Variants in CDC42BPA observed in about 807,000 individuals in gnomAD.
CDC42BPA encodes the protein CDC42 binding protein kinase alpha.
Under a neutral mutation model 223.5 loss-of-function variants are expected in CDC42BPA, and 80 were observed. The ratio of observed to expected loss-of-function variants is 0.36; its 90% CI spans 0.30 to 0.43. CDC42BPA has a LOEUF of 0.43. Ranked by LOEUF, CDC42BPA falls within the 20% of genes least tolerant of loss-of-function variation. The pLI is 1.00. For synonymous variants in CDC42BPA, 694 were observed against 718.6 expected, an observed-to-expected ratio of 0.97 and a Z score of 0.55; for missense variants, 1,743 against 2,099.9, an observed-to-expected ratio of 0.83 and a Z score of 3.32.
intron 10 of CDC42BPA, among the ~76,000 whole-genome samples, chr1:227,133,192 T>C (rs7556248): frequency 0.87 from 120,772 of 138,972 alleles, 52,389 homozygotes; most frequent in South Asian, 0.92. Context: ...CCTGGCCGGC[T>C]GCCCCGTCTG....
At chr1:227,243,756 TCA>T (rs5781477) in intron 2 of CDC42BPA, among the ~76,000 whole-genome samples, 41,167 of 146,296 alleles carry the variant, frequency 0.28, 5,451 homozygotes, top group East Asian at 0.31. Context: ...AAAAGATTTG[TCA>T]CACACACACA....
rs1424813262 is a variant in CDC42BPA at position 226,991,280 on chromosome 1, C to T, written c.*2988G>A. ...CTGCCATATACGTTTTTAAAATGTC[C>T]TGCATGAAAACAAAAGAAAACTTCA... is the stretch of plus-strand genomic sequence containing the variant. On this transcript the variant is annotated 3_prime_UTR_variant, in exon 37 of 37. Transcript: ENST00000366766. 6.6e-6 allele frequency: 1 copy of T among 152,396 alleles called. No individual in the cohort carries two copies. The highest frequency in any genetic ancestry group is 6.5e-5 in the Admixed American group (1 of 15,278). 9.4% of individuals were successfully genotyped at this position (152,396 alleles called of 1,614,324 possible). A position where few individuals can be genotyped will look rare whatever the true frequency, so the allele number is the denominator to read the frequency against.
At chr1:227,017,889 G>T (rs1666602115) in intron 32 of CDC42BPA, among the ~76,000 whole-genome samples, 1 of 152,046 alleles carries the variant, frequency 6.6e-6, no homozygotes, top group Non-Finnish European at 1.5e-5. Context: ...AAAAGCTGAA[G>T]TGAGAAGGAG....
intron 16 of CDC42BPA, among the ~76,000 whole-genome samples, chr1:227,086,933 A>G (rs1245081352): frequency 6.6e-6 from 1 of 152,278 alleles, no homozygotes; most frequent in East Asian, 1.9e-4. Context: ...TTAGACTCCC[A>G]AAGTGCTGGG....
intron 6 of CDC42BPA, among the ~76,000 whole-genome samples, chr1:227,156,012 C>T (rs1362458933): frequency 6.6e-6 from 1 of 151,960 alleles, no homozygotes; most frequent in Admixed American, 6.6e-5. Flanking sequence ...CTCAAAGCAC[C>T]ACTGAACTTG....
At chr1:227,228,679 C>T (rs1677290797) in intron 2 of CDC42BPA, among the ~76,000 whole-genome samples, 1 of 152,128 alleles carries the variant, frequency 6.6e-6, no homozygotes, top group Non-Finnish European at 1.5e-5. Context: ...TTCCCTATAT[C>T]TTCATCAATA....
At chr1:227,269,106 C>T (rs1385111143) in intron 1 of CDC42BPA, among the ~76,000 whole-genome samples, 6 of 152,226 alleles carry the variant, frequency 3.9e-5, no homozygotes, top group Admixed American at 6.5e-5. Context: ...TCTTTAGTCT[C>T]TGTGCCAACT....
intron 35 of CDC42BPA, among the ~76,000 whole-genome samples, chr1:227,000,119 TAATAATAATAATAATAAG>T (rs1228056176): frequency 0.03 from 3,910 of 131,126 alleles, 199 homozygotes; most frequent in African/African-American, 0.095. Flanking sequence ...ATAATAATAA[TAATAATAATAATAATAAG>T]CTCTCCTGAT....
At chr1:227,046,872 G>A (rs1216814174) in intron 23 of CDC42BPA, among the ~76,000 whole-genome samples, 1 of 150,868 alleles carries the variant, frequency 6.6e-6, no homozygotes, top group Non-Finnish European at 1.5e-5. Context: ...CTTTCCTTGG[G>A]TATCTTAAAT....
chr1:227,025,466 A>G (rs1668084175), intron 31 of CDC42BPA, among the ~76,000 whole-genome samples: 2 of 152,220 alleles, frequency 1.3e-5, no homozygotes, highest in South Asian at 4.1e-4. Flanking sequence ...CATGCTATAT[A>G]TATATCACAT....
intron 35 of CDC42BPA, among the ~76,000 whole-genome samples, chr1:227,003,717 C>A (rs1663389944): frequency 6.6e-6 from 1 of 152,164 alleles, no homozygotes; most frequent in African/African-American, 2.4e-5. Context: ...GTAGCTGAAC[C>A]TAAGTGCACC....
intron 11 of CDC42BPA, among the ~76,000 whole-genome samples, chr1:227,127,349 A>T (rs1010465283): frequency 6.6e-6 from 1 of 152,216 alleles, no homozygotes; most frequent in African/African-American, 2.4e-5. Flanking sequence ...TTAGTGAATG[A>T]CATAACAACT....
chr1:227,091,868 T>C lies in CDC42BPA; in HGVS notation c.2355+18A>G. ...TCTAGCATGTACTACTCAATTAATA[T>C]GAGATTAAATCACTCACCTTATCAA... On this transcript the variant is annotated intron_variant, in intron 16 of 36. Transcript: ENST00000366766. The C allele has an allele frequency of 7.5e-7, 1 of 1,339,290 alleles. No homozygotes were observed. Among genetic ancestry groups the C allele is most frequent in the Non-Finnish European group, 1.1e-6 (1 of 943,048 alleles). 83.0% of individuals were successfully genotyped at this position (1,339,290 alleles called of 1,614,324 possible). A position where few individuals can be genotyped will look rare whatever the true frequency, so the allele number is the denominator to read the frequency against.
intron 4 of CDC42BPA, among the ~76,000 whole-genome samples, chr1:227,198,458 G>GA (rs11415356): frequency 0.54 from 45,895 of 84,962 alleles, 12,915 homozygotes; most frequent in Non-Finnish European, 0.61. Context: ...AAAAAGAAAA[G>GA]AAAGAAAGAA....
chr1:227,173,685 A>AGAAT (rs2149958131), intron 5 of CDC42BPA, among the ~76,000 whole-genome samples: 1 of 152,278 alleles, frequency 6.6e-6, no homozygotes, highest in East Asian at 1.9e-4. Flanking sequence ...CCACCAAGAA[A>AGAAT]GAATGATGTA....
chr1:227,081,961 C>G (rs1680756088), intron 16 of CDC42BPA, among the ~76,000 whole-genome samples: 1 of 152,082 alleles, frequency 6.6e-6, no homozygotes, highest in South Asian at 2.1e-4. Flanking sequence ...CCAGTTACTT[C>G]AACATATCAC....
intron 1 of CDC42BPA, among the ~76,000 whole-genome samples, chr1:227,287,529 A>G (rs1689009937): frequency 6.6e-6 from 1 of 152,206 alleles, no homozygotes; most frequent in Non-Finnish European, 1.5e-5. Flanking sequence ...AGTTTTAACA[A>G]AGTTAGAATT....
intron 2 of CDC42BPA, among the ~76,000 whole-genome samples, chr1:227,252,497 T>C (rs1050013253): frequency 2.0e-5 from 3 of 152,152 alleles, no homozygotes; most frequent in African/African-American, 7.2e-5. Context: ...CTAACTCTTC[T>C]GGAGAATACT....
chr1:227,269,974 A>G (rs939130199), intron 1 of CDC42BPA, among the ~76,000 whole-genome samples: 1 of 152,190 alleles, frequency 6.6e-6, no homozygotes, highest in East Asian at 1.9e-4. Flanking sequence ...TTCTGAGTAT[A>G]TGTATAAGCC....
Sources: gnomAD v4.1 joint callset for allele counts (sites outside exome capture counted in the v4.1 genomes callset) on GRCh38, gnomAD v4.1.1 for gene constraint, MANE v1.5 for transcripts, NCBI Gene and HGNC (gene_info 2026-07-23, HGNC 2026-07-21) for gene names.